ARMH4: variants seen among roughly 807,000 people sequenced by gnomAD.
ARMH4 encodes the protein armadillo like helical domain containing 4, also known as armadillo-like helical domain-containing protein 4.
A neutral mutation model predicts 61.9 loss-of-function variants in ARMH4; 49 were observed. The ratio of observed to expected loss-of-function variants is 0.79; its 90% confidence interval spans 0.63 to 1.00. ARMH4 has a LOEUF of 1.00. Among genes scored for constraint, ARMH4 ranks in the 50% least tolerant of loss-of-function variants. ARMH4 has a pLI of 0.00. For synonymous variants in ARMH4, 368 were observed against 341.5 expected, an observed-to-expected ratio of 1.08 and a Z score of -0.85; for missense variants, 934 against 930.0, an observed-to-expected ratio of 1.00 and a Z score of -0.06.
At chr14:58,018,095 TC>T (rs1307615243) in intron 5 of ARMH4, among the ~76,000 whole-genome samples, 6 of 152,180 alleles carry the variant, frequency 3.9e-5, no homozygotes, top group Admixed American at 1.3e-4. Context: ...ACTTACAGCC[TC>T]ATCTCACACC....
At chr14:58,127,711 C>G (rs1216913987) in intron 4 of ARMH4, among the ~76,000 whole-genome samples, 5 of 152,046 alleles carry the variant, frequency 3.3e-5, no homozygotes, top group African/African-American at 1.2e-4. Flanking sequence ...AAGAGCTAAC[C>G]CAGAAGAGTC....
chr14:58,141,633 C>T, intron 1 of ARMH4: 1 of 438,212 alleles, frequency 2.3e-6, no homozygotes, highest in Non-Finnish European at 4.4e-6. Context: ...GCGGCCACAC[C>T]AACAACCTGT....
intron 5 of ARMH4, among the ~76,000 whole-genome samples, chr14:58,032,432 T>C (rs1223877018): frequency 1.3e-5 from 2 of 152,236 alleles, no homozygotes; most frequent in African/African-American, 4.8e-5. Flanking sequence ...TGGACCCATC[T>C]GACTGTCCAA....
chr14:58,086,971 C>A (rs1215925279), intron 5 of ARMH4, among the ~76,000 whole-genome samples: 1 of 151,926 alleles, frequency 6.6e-6, no homozygotes, highest in Non-Finnish European at 1.5e-5. Flanking sequence ...TCAGACAGAG[C>A]AACAAAAAGA....
intron 6 of ARMH4, among the ~76,000 whole-genome samples, chr14:58,009,818 AAAAAAAAAAAG>A (rs1882324519): frequency 6.9e-6 from 1 of 144,470 alleles, no homozygotes; most frequent in Non-Finnish European, 1.5e-5. Context: ...AAAAAAAAAA[AAAAAAAAAAAG>A]AGAGAGAGAG....
At chr14:58,072,326 T>C (rs1425715745) in intron 5 of ARMH4, among the ~76,000 whole-genome samples, 1 of 152,172 alleles carries the variant, frequency 6.6e-6, no homozygotes, top group East Asian at 1.9e-4. Context: ...AACAATAGTA[T>C]GTAATGAAGG....
chr14:58,096,713 A>T lies in ARMH4; in HGVS notation c.2089+11T>A. On this transcript the variant is annotated intron_variant, in intron 5 of 7. Transcript: ENST00000267485. The stretch of plus-strand genomic sequence containing the variant: ...AGAAGGGAGGAAAAGGGAAATACAC[A>T]TGACTCTTACCCAGGCCTTGATTCT... 1 of 1,610,886 alleles carries T rather than the reference A, an allele frequency of 6.2e-7. No homozygotes were observed. The highest frequency in any genetic ancestry group is 1.1e-5 in the South Asian group (1 of 90,852).
rs1368753776 is a variant in ARMH4, at chr14:58,139,295, C to A, written c.64G>T (p.Ala22Ser). 10 of 1,614,012 alleles carry A rather than the reference C, an allele frequency of 6.2e-6. No individual in the cohort carries two copies. Among genetic ancestry groups the A allele is most frequent in the Admixed American group, 1.7e-5 (1 of 59,998 alleles). Reference protein sequence around the residue: ...AFCSLLLFSVATQCLAFPKIE... With the variant: ...AFCSLLLFSVSTQCLAFPKIE... ...TTGGGGAAGGCCAGACATTGTGTGGCAACGCTGAAAAGCAGAAGGCTACAG... is the reference window on the plus strand; with the variant it reads ...TTGGGGAAGGCCAGACATTGTGTGGAAACGCTGAAAAGCAGAAGGCTACAG... The change falls in exon 2 of 8, where the codon GCC becomes TCC. Residue 22 changes from alanine (A) to serine (S), a missense_variant. Transcript: ENST00000267485.
chr14:58,005,262 C>G (rs904833355), intron 6 of ARMH4, 80 bp from the exon 7 acceptor site: 1 of 1,577,944 alleles, frequency 6.3e-7, no homozygotes, highest in African/African-American at 1.4e-5. Flanking sequence ...TGGATGGCAG[C>G]AGGTTTTTAG....
At chr14:58,118,389 G>C (rs1886600865) in intron 4 of ARMH4, among the ~76,000 whole-genome samples, 2 of 151,624 alleles carry the variant, frequency 1.3e-5, no homozygotes, top group African/African-American at 4.8e-5. Flanking sequence ...TTAAATGTGT[G>C]TCCTTCAACC....
intron 3 of ARMH4, 113 bp from the exon 4 acceptor site, chr14:58,131,834 G>T: frequency 1.1e-6 from 1 of 950,028 alleles, no homozygotes; most frequent in Non-Finnish European, 1.6e-6. Flanking sequence ...ATACAATACA[G>T]CAAGTTTGGC....
chr14:58,137,457 G>C (rs1469856401), intron 2 of ARMH4, among the ~76,000 whole-genome samples: 1 of 151,466 alleles, frequency 6.6e-6, no homozygotes, highest in African/African-American at 2.4e-5. Context: ...GAGTGCAGTG[G>C]TACAATCTTG....
intron 5 of ARMH4, among the ~76,000 whole-genome samples, chr14:58,084,804 C>T (rs1265228647): frequency 6.6e-6 from 1 of 152,130 alleles, no homozygotes; most frequent in African/African-American, 2.4e-5. Context: ...GAACTGGGAC[C>T]TGTTGTTGAC....
Position 58,081,761 on chromosome 14 carries a change from C to A in ARMH4, c.2089+14963G>T, listed in dbSNP as rs372448213. 3.3e-5 allele frequency among the ~76,000 whole-genome samples: 5 copies of A among 152,280 alleles called. No homozygotes were observed. The East Asian group carries it at 5.8e-4, about 18-fold the overall frequency. On this transcript the variant is annotated intron_variant, in intron 5 of 7. Coordinates refer to ENST00000267485, the MANE Select transcript of ARMH4 (RefSeq NM_001001872.4). ...GACCTCATGATCCGCCCGCCTCGGT[C>A]TCCCAAAGTGCTGGGATTACAGGCG...
rs1884573557 is a variant in ARMH4, at chr14:58,062,788, C to CTT, written c.2089+33935_2089+33936insAA. On this transcript the variant is annotated intron_variant, in intron 5 of 7. Transcript: ENST00000267485. ...AGCAGAGTCTGGGCTTGAATGCAGA[C>CTT]AATAAGGCTCCATAATTTGCAGCCC... 3.3e-5 allele frequency among the ~76,000 whole-genome samples: 5 copies of CTT among 152,228 alleles called. No homozygotes were observed. In the South Asian group the frequency reaches 1.0e-3, roughly 32 times the overall value.
chr14:58,022,744 A>G (rs1386657921), intron 5 of ARMH4, among the ~76,000 whole-genome samples: 1 of 152,250 alleles, frequency 6.6e-6, no homozygotes, highest in Non-Finnish European at 1.5e-5. Context: ...TTCAGTCACC[A>G]TATAGGCAAG....
intron 1 of ARMH4, among the ~76,000 whole-genome samples, chr14:58,148,456 C>G (rs1008918800): frequency 1.3e-5 from 2 of 152,184 alleles, no homozygotes; most frequent in African/African-American, 2.4e-5. Context: ...CTTTCCCCAC[C>G]CTTCTCCTAG....
In ARMH4 at chr14:58,004,181, C is replaced by T. The variant is rs1882076122; in HGVS notation, c.*555G>A. The T allele has an allele frequency of 6.6e-6, 1 of 152,224 alleles. No individual in the cohort carries two copies. The highest frequency in any genetic ancestry group is 1.5e-5 in the Non-Finnish European group (1 of 68,086). 9.4% of individuals were successfully genotyped at this position (152,224 alleles called of 1,614,324 possible). A position where few individuals can be genotyped will look rare whatever the true frequency, so the allele number is the denominator to read the frequency against. ...ATAATGCAAAATACATACAAATCTA[C>T]ATATAATCCTAATATGCTGAGAGAG... On this transcript the variant is annotated 3_prime_UTR_variant, in exon 8 of 8. Transcript: ENST00000267485.
At chr14:58,102,817 C>CAA (rs398025219) in intron 4 of ARMH4, among the ~76,000 whole-genome samples, 3,573 of 50,524 alleles carry the variant, frequency 0.071, 221 homozygotes, top group Middle Eastern at 0.17. Context: ...GACTCCGTCT[C>CAA]AAAAAAAAAA....
Sources: allele counts gnomAD v4.1 joint callset (sites outside exome capture counted in the v4.1 genomes callset), GRCh38; gene constraint gnomAD v4.1.1; transcripts MANE v1.5; gene names NCBI Gene and HGNC (gene_info 2026-07-23, HGNC 2026-07-21).